The following ZNF638 variants were observed in gnomAD, a reference collection of about 807,000 sequenced individuals.
ZNF638 encodes CTCL tumor antigen se33-1.
A neutral mutation model predicts 195.6 loss-of-function variants in ZNF638; 46 were observed. The observed-to-expected ratio is 0.24, with a 90% CI of 0.19 to 0.30. ZNF638 has a LOEUF of 0.30. Ranked by LOEUF, ZNF638 falls within the 10% of genes least tolerant of loss-of-function variation. The pLI, the probability that ZNF638 is intolerant of heterozygous loss-of-function variation, is 1.00. For synonymous variants in ZNF638, 845 were observed against 772.0 expected (o/e 1.09, Z -1.57); for missense variants, 2,440 against 2,325.3 (o/e 1.05, Z -1.01).
At chr2:71,355,357 T>C (rs973123106) in intron 2 of ZNF638, among the ~76,000 whole-genome samples, 8 of 152,226 alleles carry the variant, frequency 5.3e-5, no homozygotes, top group East Asian at 1.9e-4. Flanking sequence ...GTTTTACTTA[T>C]AGATTTTTTG....
intron 27 of ZNF638, chr2:71,433,555 G>A (rs1435209632): frequency 3.3e-6 from 1 of 302,394 alleles, no homozygotes; most frequent in Non-Finnish European, 6.1e-6. Context: ...TGCATGTTTT[G>A]ATGCCCTCTT....
chr2:71,360,453 C>T (rs1459496671), intron 3 of ZNF638, among the ~76,000 whole-genome samples: 1 of 150,476 alleles, frequency 6.6e-6, no homozygotes, highest in African/African-American at 2.4e-5. Flanking sequence ...TTCCAGAATG[C>T]CTTTTATAAT....
intron 20 of ZNF638, 78 bp downstream of exon 20, chr2:71,408,325 A>G (rs936979023): frequency 1.3e-6 from 2 of 1,486,888 alleles, no homozygotes; most frequent in Non-Finnish European, 9.0e-7. Context: ...GTAGTAGTCA[A>G]ACTGTTTCTG....
At chr2:71,354,750 AG>A (rs1273082709) in intron 2 of ZNF638, among the ~76,000 whole-genome samples, 1 of 151,472 alleles carries the variant, frequency 6.6e-6, no homozygotes, top group Non-Finnish European at 1.5e-5. Flanking sequence ...AAAAAAGAAA[AG>A]AAAAAAAAAA....
At chr2:71,418,999 T>C (rs1008102040) in intron 21 of ZNF638, among the ~76,000 whole-genome samples, 1 of 152,218 alleles carries the variant, frequency 6.6e-6, no homozygotes, top group Non-Finnish European at 1.5e-5. Flanking sequence ...ATAAACACGG[T>C]AGTAAAATTT....
At chr2:71,418,703 A>T (rs1213786211) in intron 21 of ZNF638, 64 bp downstream of exon 21, 77 of 1,152,270 alleles carry the variant, frequency 6.7e-5, no homozygotes, top group Non-Finnish European at 9.4e-5. Flanking sequence ...TTATTGCTGT[A>T]TTTTATAGTA....
At position 71,408,202 on chromosome 2, in the gene ZNF638, C is replaced by A; in HGVS notation, c.3216C>A (p.Asp1072Glu). The change falls in exon 20 of 28, where the codon GAC (aspartate) becomes GAA (glutamate). Residue 1072 changes from aspartate to glutamate, a missense_variant. Physicochemically the swap from Asp to Glu is conservative, Grantham distance 45. Transcript: ENST00000264447. ...FLKQNPQNIGDHMLTCSLSPK... is the reference protein window; with the variant it reads ...FLKQNPQNIGEHMLTCSLSPK... ...AACAAAATCCACAAAATATTGGTGACCATATGTTGACCTGCTCATTATCTC... is the reference window on the plus strand; with the variant it reads ...AACAAAATCCACAAAATATTGGTGAACATATGTTGACCTGCTCATTATCTC... The A allele has an allele frequency of 6.2e-7, 1 of 1,613,212 alleles. No homozygotes were observed.
intron 13 of ZNF638, 111 bp downstream of exon 13, chr2:71,399,756 G>T: frequency 1.2e-6 from 1 of 826,162 alleles, no homozygotes; most frequent in South Asian, 1.7e-5. Context: ...TGTCATGGGG[G>T]TTTGTTGTAC....
intron 2 of ZNF638, among the ~76,000 whole-genome samples, chr2:71,351,801 C>T (rs1329502678): frequency 6.6e-6 from 1 of 152,014 alleles, no homozygotes; most frequent in African/African-American, 2.4e-5. Flanking sequence ...AAATTATGCT[C>T]CCAAGACATT....
At chr2:71,404,032 T>C (rs756525028) in intron 17 of ZNF638, 34 bp downstream of exon 17, 1 of 1,577,852 alleles carries the variant, frequency 6.3e-7, no homozygotes, top group Non-Finnish European at 8.6e-7. Flanking sequence ...TAGCTCTTAC[T>C]AAGTTTTTAA....
At chr2:71,408,491 T>C in intron 20 of ZNF638, 1 of 409,180 alleles carries the variant, frequency 2.4e-6, no homozygotes, top group Non-Finnish European at 4.4e-6. Flanking sequence ...TGTAGGTATC[T>C]ACATTTTTGT....
intron 3 of ZNF638, among the ~76,000 whole-genome samples, chr2:71,356,898 C>G (rs901176304): frequency 1.3e-5 from 2 of 151,900 alleles, no homozygotes; most frequent in Non-Finnish European, 2.9e-5. Context: ...ATTGGATGCT[C>G]AAATAAAAAT....
chr2:71,342,064 A>G (rs2078770408), intron 1 of ZNF638, among the ~76,000 whole-genome samples: 1 of 152,138 alleles, frequency 6.6e-6, no homozygotes, highest in Non-Finnish European at 1.5e-5. Context: ...AAAGACAGCA[A>G]AATATCAAAC....
At chr2:71,352,860 T>TA (rs2078965214) in intron 2 of ZNF638, among the ~76,000 whole-genome samples, 1 of 152,050 alleles carries the variant, frequency 6.6e-6, no homozygotes. Context: ...AGGATAAAAG[T>TA]AAAAATTTGA....
At chr2:71,409,147 G>T (rs181085533) in intron 20 of ZNF638, among the ~76,000 whole-genome samples, 44 of 152,196 alleles carry the variant, frequency 2.9e-4, no homozygotes, top group African/African-American at 8.7e-4. Context: ...GAAAATTAAA[G>T]AAGTGAAAAT....
At chr2:71,409,404 T>G (rs571709338) in intron 20 of ZNF638, among the ~76,000 whole-genome samples, 11 of 152,304 alleles carry the variant, frequency 7.2e-5, no homozygotes, top group African/African-American at 2.6e-4. Context: ...ATAGTTAGCT[T>G]GTATACAAAG....
intron 13 of ZNF638, 101 bp from the exon 14 acceptor site, chr2:71,400,011 G>GTA (rs2079974319): frequency 2.1e-6 from 2 of 938,040 alleles, no homozygotes; most frequent in South Asian, 4.1e-5. Flanking sequence ...GTCAGCCTAA[G>GTA]GAGACTTGAA....
chr2:71,345,149 G>T (rs997917894), intron 1 of ZNF638, among the ~76,000 whole-genome samples: 5 of 152,106 alleles, frequency 3.3e-5, no homozygotes, highest in Non-Finnish European at 7.4e-5. Flanking sequence ...ATCTCTTACT[G>T]TAGCTGATTT....
At chr2:71,354,751 GAA>G (rs754928381) in intron 2 of ZNF638, among the ~76,000 whole-genome samples, 63 of 133,890 alleles carry the variant, frequency 4.7e-4, no homozygotes, top group African/African-American at 1.6e-3. Flanking sequence ...AAAAAGAAAA[GAA>G]AAAAAAAAAA....
Sources: gnomAD v4.1 joint callset for allele counts (sites outside exome capture counted in the v4.1 genomes callset) on GRCh38, gnomAD v4.1.1 for gene constraint, MANE v1.5 for transcripts, NCBI Gene and HGNC (gene_info 2026-07-23, HGNC 2026-07-21) for gene names.